BIRC6: variants seen among roughly 807,000 people sequenced by gnomAD.
BIRC6 encodes the protein dual E2 ubiquitin-conjugating enzyme/E3 ubiquitin-protein ligase BIRC6.
BIRC6 carries 98 observed loss-of-function variants against 503.3 expected under a neutral mutation model. That is an observed-to-expected ratio of 0.19 (90% CI 0.17 to 0.23). The LOEUF (loss-of-function observed/expected upper bound fraction) is 0.23. BIRC6 is among the 10% of genes least tolerant of loss of function. The pLI is 1.00. For synonymous variants in BIRC6, 2,240 were observed against 2,078.7 expected (o/e 1.08, Z -2.11); for missense variants, 5,360 against 5,806.0 (o/e 0.92, Z 2.50).
chr2:32,470,486 T>G (rs1298774675), intron 31 of BIRC6, among the ~76,000 whole-genome samples, 185 bp downstream of exon 31: 2 of 151,524 alleles, frequency 1.3e-5, no homozygotes, highest in Non-Finnish European at 2.9e-5. Context: ...CTTTTAAAAT[T>G]TATTCCTTTT....
At position 32,618,785 on chromosome 2, in the gene BIRC6, C is replaced by T. The variant is rs1312571541; in HGVS notation, c.*881C>T. ...TCTGTAGAGGAGAGAGGATGTACCTCTCTGGTGCTGTTACAGTACATTCTG... is the reference window on the plus strand; with the variant it reads ...TCTGTAGAGGAGAGAGGATGTACCTTTCTGGTGCTGTTACAGTACATTCTG... On this transcript the variant is annotated 3_prime_UTR_variant, in exon 74 of 74. Transcript: ENST00000421745. 6.6e-6 allele frequency: 1 copy of T among 152,504 alleles called. No homozygotes were observed. The highest frequency in any genetic ancestry group is 1.5e-5 in the Non-Finnish European group (1 of 68,028). 9.4% of individuals were successfully genotyped at this position (152,504 alleles called of 1,614,324 possible).
At chr2:32,441,592 A>T (rs2045442102) in intron 17 of BIRC6, 130 bp downstream of exon 17, 2 of 796,734 alleles carry the variant, frequency 2.5e-6, no homozygotes, top group Non-Finnish European at 3.8e-6. Flanking sequence ...TTAAATAATT[A>T]TAATTTTGAT....
chr2:32,584,625 A>C (rs887768481), intron 66 of BIRC6, among the ~76,000 whole-genome samples: 1 of 152,250 alleles, frequency 6.6e-6, no homozygotes, highest in Non-Finnish European at 1.5e-5. Context: ...TTCTTGTTCA[A>C]TTAAAATTAT....
rs1479830900 is a variant in BIRC6 at position 32,491,468 on chromosome 2, T to C, written c.8250T>C (p.His2750=). The change falls in exon 44 of 74, where the codon CAT becomes CAC. Residue 2750 remains histidine, a synonymous_variant. Transcript: ENST00000421745. Reference sequence around the variant, plus strand: ...TTGGAACTCAGGAGAGTACTGCTCATTTGTTGGTTTCAGATCCAAACCTAA... The same window carrying C: ...TTGGAACTCAGGAGAGTACTGCTCACTTGTTGGTTTCAGATCCAAACCTAA... The part of the protein sequence containing the change: ...SAIGTQESTA[H]LLVSDPNLIH... 6.2e-7 allele frequency: 1 copy of C among 1,613,666 alleles called. No individual in the cohort carries two copies.
At position 32,529,656 on chromosome 2, in the gene BIRC6, C is replaced by T; in HGVS notation, c.11926C>T (p.Pro3976Ser). The T allele has an allele frequency of 6.3e-7, 1 of 1,587,676 alleles. No individual in the cohort carries two copies. The highest frequency in any genetic ancestry group is 1.2e-5 in the South Asian group (1 of 86,156). Residue 3976 changes from proline to serine, a missense_variant, in exon 60 of 74, where the codon CCA becomes TCA. By Grantham distance (74) the Pro-to-Ser change is moderately conservative (BLOSUM62 -1). Around this residue, in one of 16 missense-constraint regions of BIRC6, gnomAD observed 878 missense variants for 928.9 expected, o/e 0.95. Transcript: ENST00000421745. ...ACTTAGTTATATCATTTTAGGCCAG[C>T]CATTGCCAGCTGAAATGACACTTGC... ...HLFHKLLAGQ[P>S]LPAEMTLAQL...
intron 15 of BIRC6, 66 bp downstream of exon 15, chr2:32,436,250 A>C (rs1574191877): frequency 7.9e-6 from 10 of 1,261,478 alleles, no homozygotes; most frequent in Admixed American, 3.6e-5. Context: ...ACGAAAAAAA[A>C]CTGATCTCAA....
intron 13 of BIRC6, among the ~76,000 whole-genome samples, chr2:32,435,287 A>G (rs2044575785): frequency 6.6e-6 from 1 of 152,210 alleles, no homozygotes; most frequent in South Asian, 2.1e-4. Flanking sequence ...GTTAAAAGAG[A>G]GAAGAATGTA....
intron 10 of BIRC6, among the ~76,000 whole-genome samples, chr2:32,421,275 T>G (rs2042931602): frequency 6.6e-6 from 1 of 151,734 alleles, no homozygotes; most frequent in Non-Finnish European, 1.5e-5. Flanking sequence ...CCCAGCTAAT[T>G]TTTGTATTTT....
chr2:32,361,661 G>T (rs569713208), intron 1 of BIRC6, among the ~76,000 whole-genome samples: 1 of 152,110 alleles, frequency 6.6e-6, no homozygotes, highest in Non-Finnish European at 1.5e-5. Context: ...AAGATCCCCT[G>T]CTCTGCCTAT....
In BIRC6 at chr2:32,448,478, G is replaced by A. The variant is rs1372810058; in HGVS notation, c.4485-317G>A. ...AGCCCGGCCAACACAGCAAAACCCCGTCTCCACCAAAAAAAACCGAAAACC... is the reference window on the plus strand; with the variant it reads ...AGCCCGGCCAACACAGCAAAACCCCATCTCCACCAAAAAAAACCGAAAACC... On this transcript the variant is annotated intron_variant, in intron 21 of 73. Coordinates refer to ENST00000421745, the MANE Select transcript of BIRC6 (RefSeq NM_016252.4). Among the ~76,000 whole-genome samples the A allele has an allele frequency of 6.6e-5, 10 of 152,146 alleles. No homozygotes were observed. The East Asian group carries it at 1.2e-3, about 18-fold the overall frequency.
At chr2:32,573,415 C>T (rs2060051213) in intron 65 of BIRC6, among the ~76,000 whole-genome samples, 1 of 152,072 alleles carries the variant, frequency 6.6e-6, no homozygotes, top group Non-Finnish European at 1.5e-5. Context: ...AGGCTGGTCT[C>T]GAACTCCTGA....
intron 65 of BIRC6, chr2:32,557,134 CA>C (rs1292665187): frequency 6.6e-6 from 1 of 152,008 alleles, no homozygotes. Context: ...GCTTAACTAC[CA>C]AAAGTCACGC....
chr2:32,605,174 T>G (rs1195539783), intron 71 of BIRC6, among the ~76,000 whole-genome samples: 1 of 152,210 alleles, frequency 6.6e-6, no homozygotes, highest in Non-Finnish European at 1.5e-5. Context: ...TTAGCCAACG[T>G]GCCCAGCCAG....
intron 9 of BIRC6, among the ~76,000 whole-genome samples, chr2:32,409,193 C>T (rs1485258979): frequency 6.6e-6 from 1 of 151,906 alleles, no homozygotes; most frequent in East Asian, 1.9e-4. Flanking sequence ...GAGTCTCATT[C>T]TGTTGCCCAG....
At chr2:32,500,212 A>G in intron 46 of BIRC6, 103 bp downstream of exon 46, 1 of 1,081,552 alleles carries the variant, frequency 9.2e-7, no homozygotes, top group Non-Finnish European at 1.3e-6. Context: ...ATAGTGTAAA[A>G]CTGCTTTAAG....
At chr2:32,447,465 G>T (rs1363675435) in intron 21 of BIRC6, among the ~76,000 whole-genome samples, 7 of 144,654 alleles carry the variant, frequency 4.8e-5, no homozygotes, top group African/African-American at 1.5e-4. Context: ...CTGGGCGGCT[G>T]GCCGGGCGGG....
Position 32,599,893 on chromosome 2 carries a change from AT to A in BIRC6, c.13986del (p.Asp4662GlufsTer6). ...SVRFNPNLYN[D>X]GKVCLSILNT... ...CGATTCAATCCAAACCTTTATAATG[AT>A]GGCAAGGTAAATTAATTGCAATTTT... is the stretch of plus-strand genomic sequence containing the variant. On this transcript the variant is annotated frameshift_variant, in exon 70 of 74. Transcript: ENST00000421745. LOFTEE classifies it high-confidence loss of function. 1 of 1,612,210 alleles carries A rather than the reference AT, an allele frequency of 6.2e-7. No homozygotes were observed. The highest frequency in any genetic ancestry group is 8.5e-7 in the Non-Finnish European group (1 of 1,179,176).
At chr2:32,536,372 G>A (rs544859572) in intron 61 of BIRC6, among the ~76,000 whole-genome samples, 6 of 152,120 alleles carry the variant, frequency 3.9e-5, no homozygotes, top group Non-Finnish European at 5.9e-5. Flanking sequence ...TAGACATGAC[G>A]TCCTTGCCCA....
intron 41 of BIRC6, 21 bp from the exon 42 acceptor site, chr2:32,488,567 T>C (rs917403969): frequency 2.0e-6 from 3 of 1,506,376 alleles, no homozygotes; most frequent in African/African-American, 1.4e-5. Context: ...TTTTCTCCTG[T>C]TGATTTTCAT....
Sources: allele counts gnomAD v4.1 joint callset (sites outside exome capture counted in the v4.1 genomes callset), GRCh38; gene constraint gnomAD v4.1.1; regional missense constraint gnomAD v4.1.1; transcripts MANE v1.5; gene names NCBI Gene and HGNC (gene_info 2026-07-23, HGNC 2026-07-21).